Variants in SND1 observed in about 807,000 individuals in gnomAD.
SND1 encodes the protein staphylococcal nuclease domain-containing protein 1.
Under a neutral mutation model 121.7 loss-of-function variants are expected in SND1, and 38 were observed. The observed-to-expected ratio is 0.31, with a 90% CI of 0.24 to 0.41. The LOEUF (loss-of-function observed/expected upper bound fraction) is 0.41, where lower values mean the gene tolerates loss of function less well. Among genes scored for constraint, SND1 ranks in the 10% least tolerant of loss-of-function variants. The pLI is 1.00. For missense variants in SND1, 868 were observed against 1,184.6 expected, an observed-to-expected ratio of 0.73 and a Z score of 3.92; for synonymous variants, 401 against 447.4, an observed-to-expected ratio of 0.90 and a Z score of 1.31.
chr7:128,008,571 G>A (rs1034258388), intron 16 of SND1, among the ~76,000 whole-genome samples: 2 of 151,744 alleles, frequency 1.3e-5, no homozygotes, highest in African/African-American at 4.8e-5. Flanking sequence ...CTCCCTAGGT[G>A]GGACTCCAGC....
intron 16 of SND1, among the ~76,000 whole-genome samples, chr7:128,044,513 A>T (rs375022847): frequency 6.6e-6 from 1 of 151,902 alleles, no homozygotes; most frequent in Admixed American, 6.6e-5. Context: ...TATTTTGAAA[A>T]TTTTTTCTTC....
chr7:127,744,002 G>T (rs1796931622), intron 10 of SND1, among the ~76,000 whole-genome samples: 3 of 152,254 alleles, frequency 2.0e-5, no homozygotes, highest in South Asian at 4.1e-4. Context: ...TTCTAATGAA[G>T]AACCTAGAGT....
chr7:127,799,749 T>C (rs1251587085), intron 10 of SND1, among the ~76,000 whole-genome samples: 1 of 152,220 alleles, frequency 6.6e-6, no homozygotes, highest in Admixed American at 6.5e-5. Context: ...GTCTCTGTTA[T>C]AGACTGTATT....
At chr7:127,962,100 GA>G (rs1801745618) in intron 15 of SND1, among the ~76,000 whole-genome samples, 1 of 152,162 alleles carries the variant, frequency 6.6e-6, no homozygotes, top group African/African-American at 2.4e-5. Flanking sequence ...TTACTAAAAA[GA>G]AAAAGTATTC....
intron 15 of SND1, among the ~76,000 whole-genome samples, chr7:127,966,279 C>T (rs1260458358): frequency 1.3e-5 from 2 of 151,366 alleles, no homozygotes; most frequent in Non-Finnish European, 2.9e-5. Context: ...CCACTGTCAA[C>T]ATTAGACAGA....
chr7:128,028,625 T>C (rs1803551165), intron 16 of SND1: 6 of 1,512,478 alleles, frequency 4.0e-6, no homozygotes, highest in Non-Finnish European at 5.4e-6. Context: ...GTACAAAAGT[T>C]GCTGTCTTTG....
At chr7:128,058,655 C>T (rs1793181343) in intron 16 of SND1, among the ~76,000 whole-genome samples, 1 of 152,160 alleles carries the variant, frequency 6.6e-6, no homozygotes, top group Admixed American at 6.5e-5. Context: ...AAAGGCTGGG[C>T]CTTCAGCCTT....
intron 8 of SND1, 107 bp downstream of exon 8, chr7:127,705,052 T>TC (rs1480473122): frequency 1.1e-6 from 1 of 908,682 alleles, no homozygotes. Flanking sequence ...TTCATTTTAC[T>TC]TCAGTAAAGG....
intron 1 of SND1, among the ~76,000 whole-genome samples, chr7:127,672,710 C>G (rs1695965198): frequency 2.0e-5 from 3 of 152,102 alleles, no homozygotes; most frequent in Admixed American, 2.0e-4. Context: ...CCAGGGTCAC[C>G]TATTAGCTGT....
At chr7:127,655,883 C>G (rs1206106054) in intron 1 of SND1, among the ~76,000 whole-genome samples, 1 of 152,094 alleles carries the variant, frequency 6.6e-6, no homozygotes, top group Non-Finnish European at 1.5e-5. Flanking sequence ...CAGAATGAAT[C>G]TTGAATTCTT....
At chr7:127,831,521 T>C (rs1798739151) in intron 11 of SND1, among the ~76,000 whole-genome samples, 1 of 151,952 alleles carries the variant, frequency 6.6e-6, no homozygotes, top group East Asian at 1.9e-4. Context: ...TTGCAGAGAG[T>C]GATGCCCACC....
intron 16 of SND1, among the ~76,000 whole-genome samples, chr7:128,034,002 C>A (rs1792702107): frequency 6.6e-6 from 1 of 152,194 alleles, no homozygotes; most frequent in Non-Finnish European, 1.5e-5. Flanking sequence ...AAGTAATTGC[C>A]ACACTTGTCT....
intron 10 of SND1, among the ~76,000 whole-genome samples, chr7:127,760,730 T>C (rs1160325821): frequency 6.6e-6 from 1 of 152,200 alleles, no homozygotes; most frequent in Non-Finnish European, 1.5e-5. Flanking sequence ...TTTTTTCCCT[T>C]AACCTAATTA....
chr7:128,025,470 C>G (rs1395889784), intron 16 of SND1, among the ~76,000 whole-genome samples: 1 of 152,214 alleles, frequency 6.6e-6, no homozygotes, highest in Non-Finnish European at 1.5e-5. Flanking sequence ...TGAAAATTCT[C>G]TAACTCCGTA....
At chr7:127,887,282 C>T (rs1799928576) in intron 12 of SND1, among the ~76,000 whole-genome samples, 4 of 152,084 alleles carry the variant, frequency 2.6e-5, no homozygotes, top group Admixed American at 2.6e-4. Context: ...TAGGCATGAG[C>T]CACAGCACAA....
chr7:127,961,530 T>C (rs192521292), intron 15 of SND1, among the ~76,000 whole-genome samples: 1 of 152,368 alleles, frequency 6.6e-6, no homozygotes, highest in African/African-American at 2.4e-5. Flanking sequence ...AGCACTCATT[T>C]TCAAGAGAGG....
chr7:127,909,347 G>A (rs928766086), intron 14 of SND1, among the ~76,000 whole-genome samples: 5 of 151,976 alleles, frequency 3.3e-5, no homozygotes, highest in Non-Finnish European at 5.9e-5. Context: ...TCCTTTGGAC[G>A]TTTAATCACA....
intron 10 of SND1, among the ~76,000 whole-genome samples, chr7:127,751,462 C>T (rs1383644792): frequency 6.6e-6 from 1 of 152,176 alleles, no homozygotes; most frequent in Non-Finnish European, 1.5e-5. Context: ...GCCCATTTAG[C>T]AGACTCTCTG....
chr7:127,821,766 T>C (rs2116606297), intron 11 of SND1, among the ~76,000 whole-genome samples: 1 of 152,298 alleles, frequency 6.6e-6, no homozygotes, highest in South Asian at 2.1e-4. Context: ...AAAGCAGTGA[T>C]TTTAAAAAAT....
Sources: allele counts gnomAD v4.1 joint callset (sites outside exome capture counted in the v4.1 genomes callset), GRCh38; gene constraint gnomAD v4.1.1; transcripts MANE v1.5; gene names NCBI Gene and HGNC (gene_info 2026-07-23, HGNC 2026-07-21).